RELCH: variants seen among roughly 807,000 people sequenced by gnomAD.
RELCH encodes RAB11-binding protein RELCH.
In RELCH, 41 loss-of-function variants were observed where a neutral mutation model predicts 150.3. The ratio of observed to expected loss-of-function variants is 0.27; its 90% CI spans 0.21 to 0.35. RELCH has a LOEUF of 0.35. RELCH is among the 10% of genes least tolerant of loss of function. The pLI, the probability that RELCH is intolerant of heterozygous loss-of-function variation, is 1.00. For synonymous variants in RELCH, 478 were observed against 531.8 expected (o/e 0.90, Z 1.39); for missense variants, 1,092 against 1,467.8 (o/e 0.74, Z 4.18).
At chr18:62,280,582 A>G (rs2044460161) in intron 23 of RELCH, 64 bp from the exon 24 acceptor site, 3 of 1,345,898 alleles carry the variant, frequency 2.2e-6, no homozygotes, top group East Asian at 4.6e-5. Context: ...ACTTTAATAT[A>G]CATTTTAATA....
intron 10 of RELCH, among the ~76,000 whole-genome samples, chr18:62,241,057 G>C (rs1473343754): frequency 6.6e-6 from 1 of 152,088 alleles, no homozygotes. Flanking sequence ...TCAGCTAATA[G>C]AAAAATGCAA....
At chr18:62,264,640 G>C (rs1056389463) in intron 17 of RELCH, 89 bp from the exon 18 acceptor site, 2 of 964,420 alleles carry the variant, frequency 2.1e-6, no homozygotes, top group East Asian at 4.9e-5. Context: ...AATAGAACAG[G>C]TTATTAGATT....
intron 11 of RELCH, among the ~76,000 whole-genome samples, chr18:62,249,318 T>C (rs1282870071): frequency 6.6e-6 from 1 of 152,178 alleles, no homozygotes; most frequent in African/African-American, 2.4e-5. Context: ...TGAAACTTCT[T>C]TTCTGCAATT....
intron 11 of RELCH, among the ~76,000 whole-genome samples, chr18:62,251,889 CACA>C (rs901887170): frequency 1.3e-5 from 2 of 152,136 alleles, no homozygotes; most frequent in Admixed American, 1.3e-4. Flanking sequence ...GAAATCCCTT[CACA>C]ACATCTGTCA....
At position 62,305,365 on chromosome 18, in the gene RELCH, T is replaced by A. The variant is rs576533275; in HGVS notation, c.3531-49T>A. On this transcript the variant is annotated intron_variant, in intron 28 of 28. Coordinates refer to ENST00000644646, the MANE Select transcript of RELCH (RefSeq NM_001346231.2). This position sits in a 1 kb window ranked among gnomAD's most constrained non-coding sequence, Gnocchi z 4.0. ...GATATGCTACTAAATAAATGAAAAATTTTTATTTTTTTAATTGCTTTACAT... is the reference window on the plus strand; with the variant it reads ...GATATGCTACTAAATAAATGAAAAAATTTTATTTTTTTAATTGCTTTACAT... The A allele has an allele frequency of 3.1e-5, 47 of 1,536,474 alleles. No individual in the cohort carries two copies. Among genetic ancestry groups the A allele is most frequent in the Non-Finnish European group, 3.7e-5 (42 of 1,139,820 alleles).
intron 10 of RELCH, among the ~76,000 whole-genome samples, chr18:62,242,909 G>C (rs1243091056): frequency 6.6e-6 from 1 of 151,994 alleles, no homozygotes; most frequent in African/African-American, 2.4e-5. Context: ...ACAGTAATAG[G>C]CTAGGAAGAA....
intron 8 of RELCH, among the ~76,000 whole-genome samples, chr18:62,230,042 GAAGAACCCAAGT>G (rs2041472832): frequency 6.6e-6 from 1 of 152,226 alleles, no homozygotes; most frequent in Non-Finnish European, 1.5e-5. Flanking sequence ...GTATATGTTG[GAAGAACCCAAGT>G]AAGAAATGAT....
intron 19 of RELCH, 51 bp downstream of exon 19, chr18:62,266,800 G>A: frequency 1.9e-6 from 2 of 1,066,986 alleles, no homozygotes; most frequent in South Asian, 2.8e-5. Flanking sequence ...CTTTATGCAG[G>A]AAAAATACTA....
rs767904689 is a variant in RELCH at position 62,187,590 on chromosome 18, G to A, written c.85G>A (p.Val29Ile). ...LSDSDEDDDE[V>I]AATEERRAVL... is the part of the protein sequence containing the mutation. ...TGATTCGGATGAGGACGATGACGAGGTAGCTGCAACAGAGGAACGGCGGGC... is the reference window on the plus strand; with the variant it reads ...TGATTCGGATGAGGACGATGACGAGATAGCTGCAACAGAGGAACGGCGGGC... Residue 29 changes from valine to isoleucine, a missense_variant, in exon 1 of 29, where the codon GTA (valine) becomes ATA (isoleucine). By Grantham distance (29) the Val-to-Ile change is conservative (BLOSUM62 3). Transcript: ENST00000644646. The A allele has an allele frequency of 5.2e-6, 8 of 1,527,950 alleles. No individual in the cohort carries two copies. The highest frequency in any genetic ancestry group is 7.0e-6 in the Non-Finnish European group (8 of 1,137,234). 94.6% of individuals were successfully genotyped at this position (1,527,950 alleles called of 1,614,324 possible). A position where few individuals can be genotyped will look rare whatever the true frequency, so the allele number is the denominator to read the frequency against.
At chr18:62,268,270 G>A (rs972996239) in intron 19 of RELCH, among the ~76,000 whole-genome samples, 6 of 152,018 alleles carry the variant, frequency 3.9e-5, no homozygotes, top group Non-Finnish European at 8.8e-5. Flanking sequence ...GGGTGTATAA[G>A]AAAATCTCTT....
chr18:62,266,022 T>A (rs1220068839), intron 18 of RELCH, among the ~76,000 whole-genome samples: 2 of 151,218 alleles, frequency 1.3e-5, no homozygotes, highest in Non-Finnish European at 2.9e-5. Context: ...TTGTTTGATA[T>A]CTCCAAAACA....
intron 27 of RELCH, among the ~76,000 whole-genome samples, chr18:62,293,393 A>G (rs558598010): frequency 6.6e-6 from 1 of 152,318 alleles, no homozygotes; most frequent in Non-Finnish European, 1.5e-5. Context: ...TACGGAGGGC[A>G]GGCTGATAAC....
chr18:62,218,265 C>G (rs1369088044), intron 2 of RELCH, among the ~76,000 whole-genome samples: 1 of 151,780 alleles, frequency 6.6e-6, no homozygotes, highest in East Asian at 1.9e-4. Flanking sequence ...AAATAGATGA[C>G]TCAGACCTAT....
At chr18:62,291,747 T>A in intron 27 of RELCH, 116 bp downstream of exon 27, 1 of 654,300 alleles carries the variant, frequency 1.5e-6, no homozygotes. Flanking sequence ...TCTAGCTCAA[T>A]GTCATTTTAT....
intron 5 of RELCH, among the ~76,000 whole-genome samples, chr18:62,222,388 A>G (rs1047646250): frequency 6.6e-6 from 1 of 151,988 alleles, no homozygotes; most frequent in African/African-American, 2.4e-5. Context: ...TACTATGGTT[A>G]TAGTTTAGGT....
intron 13 of RELCH, among the ~76,000 whole-genome samples, 170 bp downstream of exon 13, chr18:62,255,648 C>T (rs1201990187): frequency 6.6e-6 from 1 of 151,998 alleles, no homozygotes; most frequent in Non-Finnish European, 1.5e-5. Context: ...GCATTGCAGA[C>T]ACATAGGTAC....
At chr18:62,285,853 C>T (rs1236679293) in intron 25 of RELCH, 1 of 152,198 alleles carries the variant, frequency 6.6e-6, no homozygotes, top group Non-Finnish European at 1.5e-5. Context: ...AACCATCTGT[C>T]TACATCTGAG....
At chr18:62,254,307 G>A (rs1000252980) in intron 12 of RELCH, among the ~76,000 whole-genome samples, 8 of 151,856 alleles carry the variant, frequency 5.3e-5, no homozygotes, top group African/African-American at 1.9e-4. Context: ...AGTAGTGTAC[G>A]TTTTGCCCTT....
intron 1 of RELCH, among the ~76,000 whole-genome samples, chr18:62,204,169 C>T (rs1241039553): frequency 6.6e-6 from 1 of 151,878 alleles, no homozygotes; most frequent in East Asian, 1.9e-4. Context: ...CTTCTATGTA[C>T]TTTTATTTTA....
Sources: gnomAD v4.1 joint callset for allele counts (sites outside exome capture counted in the v4.1 genomes callset) on GRCh38, gnomAD v4.1.1 for gene constraint, Gnocchi (gnomAD v3.1) non-coding constraint, MANE v1.5 for transcripts, NCBI Gene and HGNC (gene_info 2026-07-23, HGNC 2026-07-21) for gene names.